PPP2R2D: variants seen among roughly 807,000 people sequenced by gnomAD.
PPP2R2D encodes serine/threonine-protein phosphatase 2A 55 kDa regulatory subunit B delta isoform.
A neutral mutation model predicts 31.1 loss-of-function variants in PPP2R2D; 9 were observed. The ratio of observed to expected loss-of-function variants is 0.29; its 90% CI spans 0.17 to 0.51. PPP2R2D has a LOEUF of 0.51. Among genes scored for constraint, PPP2R2D ranks in the 20% least tolerant of loss-of-function variants. PPP2R2D has a pLI of 0.98. For synonymous variants in PPP2R2D, 179 were observed against 172.6 expected (o/e 1.04, Z -0.29); for missense variants, 391 against 465.6 (o/e 0.84, Z 1.48).
In PPP2R2D at chr10:131,956,545, T is replaced by C; in HGVS notation, c.*582T>C. 1.0e-6 allele frequency: 1 copy of C among 985,456 alleles called. No homozygotes were observed. Among genetic ancestry groups the C allele is most frequent in the Non-Finnish European group, 1.2e-6 (1 of 829,926 alleles). The allele number at this position is 985,456 out of a possible 1,614,324, so 61.0% of individuals were successfully genotyped here. ...CAACACACTATAAAGTGTTTTTAAA[T>C]CCAAACAGAAGTATTGTCTTTTTAT... On this transcript the variant is annotated 3_prime_UTR_variant, in exon 9 of 9. Transcript: ENST00000455566.
At chr10:131,920,460 G>A (rs1296254895) in intron 2 of PPP2R2D, among the ~76,000 whole-genome samples, 1 of 152,252 alleles carries the variant, frequency 6.6e-6, no homozygotes, top group African/African-American at 2.4e-5. Flanking sequence ...CACGTGGGTG[G>A]AAGGACATAA....
chr10:131,961,343 C>A (rs2036916663), downstream of PPP2R2D, among the ~76,000 whole-genome samples: 1 of 152,154 alleles, frequency 6.6e-6, no homozygotes, highest in African/African-American at 2.4e-5. Context: ...TGAGTAAAGG[C>A]AGCACCCCCA....
intron 2 of PPP2R2D, among the ~76,000 whole-genome samples, chr10:131,921,752 T>C (rs1401398349): frequency 6.6e-6 from 1 of 152,156 alleles, no homozygotes; most frequent in Admixed American, 6.5e-5. Context: ...AAAGTGACTA[T>C]GTTGGTGATT....
chr10:131,970,943 T>C, the PPP2R2D span: 2 of 1,614,200 alleles, frequency 1.2e-6, no homozygotes, highest in South Asian at 2.2e-5. This position sits in a 1 kb window ranked among gnomAD's most constrained non-coding sequence, Gnocchi z 4.1. Context: ...TCAACTTCTT[T>C]CCTTCTTTCA....
At chr10:131,951,602 C>T (rs2036637164) in intron 8 of PPP2R2D, among the ~76,000 whole-genome samples, 1 of 152,184 alleles carries the variant, frequency 6.6e-6, no homozygotes, top group South Asian at 2.1e-4. Flanking sequence ...GAGGGCGGAT[C>T]ACGAGGTCAG....
chr10:131,955,667 G>C lies in PPP2R2D; in HGVS notation c.1083-17G>C, dbSNP rs782274192. 7.1e-7 allele frequency: 1 copy of C among 1,412,042 alleles called. No individual in the cohort carries two copies. 87.5% of individuals were successfully genotyped at this position (1,412,042 alleles called of 1,614,324 possible). ...CCCCCACTGAGGAGTGCTGCTGTCT[G>C]CTCTTGTTTTGAACAGCGCCATCAT... On this transcript the variant is annotated splice_polypyrimidine_tract_variant and intron_variant, in intron 8 of 8. Coordinates refer to ENST00000455566, the MANE Select transcript of PPP2R2D (RefSeq NM_018461.5).
At chr10:131,946,791 C>CA (rs2036550122) in intron 7 of PPP2R2D, among the ~76,000 whole-genome samples, 1 of 152,184 alleles carries the variant, frequency 6.6e-6, no homozygotes, top group Non-Finnish European at 1.5e-5. Context: ...GAAGCACAAG[C>CA]CAGGTGCAGT....
intron 8 of PPP2R2D, among the ~76,000 whole-genome samples, chr10:131,949,327 C>CTCA (rs2036599622): frequency 2.0e-5 from 3 of 152,130 alleles, no homozygotes; most frequent in Admixed American, 1.3e-4. Context: ...GAGACATGAC[C>CTCA]TCATTCCTCA....
chr10:131,913,610 G>A (rs2035719825), intron 2 of PPP2R2D, among the ~76,000 whole-genome samples: 1 of 152,188 alleles, frequency 6.6e-6, no homozygotes, highest in Non-Finnish European at 1.5e-5. Flanking sequence ...ATCATGTGAG[G>A]CTTAATGATG....
chr10:131,955,555 C>T (rs879997395), intron 8 of PPP2R2D, 129 bp from the exon 9 acceptor site: 6 of 739,644 alleles, frequency 8.1e-6, no homozygotes, highest in Middle Eastern at 4.4e-4. Context: ...ATTGATCATT[C>T]CTGATTTCTG....
At chr10:131,952,290 C>G (rs868991404) in intron 8 of PPP2R2D, among the ~76,000 whole-genome samples, 34 of 87,948 alleles carry the variant, frequency 3.9e-4, no homozygotes, top group Non-Finnish European at 5.9e-4. Flanking sequence ...CGGGGGTTCA[C>G]TGTCTTAGTG....
intron 2 of PPP2R2D, among the ~76,000 whole-genome samples, chr10:131,922,874 TGTTG>T (rs2036020782): frequency 6.6e-6 from 1 of 152,216 alleles, no homozygotes; most frequent in South Asian, 2.1e-4. Flanking sequence ...GATTTTTGTT[TGTTG>T]GTTATTTTTA....
intron 2 of PPP2R2D, among the ~76,000 whole-genome samples, chr10:131,928,982 A>T (rs76188535): frequency 1.2e-4 from 19 of 152,338 alleles, no homozygotes; most frequent in African/African-American, 4.3e-4. Flanking sequence ...AAGTAGAATA[A>T]TAATACAACA....
At chr10:131,944,240 A>G (rs1395598413) in intron 6 of PPP2R2D, 95 bp downstream of exon 6, 8 of 1,017,760 alleles carry the variant, frequency 7.9e-6, no homozygotes, top group Non-Finnish European at 1.0e-5. Flanking sequence ...CTCGGAGTCT[A>G]GTCTTGTAAA....
chr10:131,922,335 C>T (rs561165742), intron 2 of PPP2R2D, among the ~76,000 whole-genome samples: 1 of 152,086 alleles, frequency 6.6e-6, no homozygotes, highest in East Asian at 1.9e-4. Context: ...AAGTATTCCT[C>T]ATCACAAAAA....
At chr10:131,938,028 T>C (rs1342603363) in intron 3 of PPP2R2D, among the ~76,000 whole-genome samples, 1 of 151,742 alleles carries the variant, frequency 6.6e-6, no homozygotes, top group African/African-American at 2.4e-5. Context: ...GGCACTCAGC[T>C]CCTGCCCGTG....
At chr10:131,914,528 A>G (rs1329086765) in intron 2 of PPP2R2D, among the ~76,000 whole-genome samples, 1 of 152,250 alleles carries the variant, frequency 6.6e-6, no homozygotes, top group Non-Finnish European at 1.5e-5. Context: ...TCCTACAGGA[A>G]ATAGGCCAGC....
chr10:131,918,662 C>T (rs564538333), intron 2 of PPP2R2D, among the ~76,000 whole-genome samples: 125 of 137,668 alleles, frequency 9.1e-4, no homozygotes, highest in African/African-American at 3.3e-3. Context: ...GGACCTCAGG[C>T]GGGTAGGATG....
the PPP2R2D span, chr10:131,970,673 A>G: frequency 1.9e-6 from 3 of 1,614,088 alleles, no homozygotes; most frequent in Non-Finnish European, 2.5e-6. This position sits in a 1 kb window ranked among gnomAD's most constrained non-coding sequence, Gnocchi z 4.1. Flanking sequence ...AGAGCAGCAG[A>G]GATGGAAGGA....
Sources: gnomAD v4.1 joint callset for allele counts (sites outside exome capture counted in the v4.1 genomes callset) on GRCh38, gnomAD v4.1.1 for gene constraint, Gnocchi (gnomAD v3.1) non-coding constraint, MANE v1.5 for transcripts, NCBI Gene and HGNC (gene_info 2026-07-23, HGNC 2026-07-21) for gene names.